RANBP3: variants seen among roughly 807,000 people sequenced by gnomAD.
The protein encoded by RANBP3 is ran-binding protein 3.
In RANBP3, 14 loss-of-function variants were observed where a neutral mutation model predicts 77.3. The observed-to-expected ratio is 0.18, with a 90% CI of 0.12 to 0.28. The LOEUF is 0.28. Ranked by LOEUF, RANBP3 falls within the 10% of genes least tolerant of loss-of-function variation. RANBP3 has a pLI of 1.00. For missense variants in RANBP3, 586 were observed against 752.3 expected (o/e 0.78, Z 2.59); for synonymous variants, 315 against 312.4 (o/e 1.01, Z -0.09).
chr19:5,918,160 G>A (rs536240180), intron 15 of RANBP3, among the ~76,000 whole-genome samples, 180 bp from the exon 16 acceptor site: 1 of 152,336 alleles, frequency 6.6e-6, no homozygotes, highest in East Asian at 1.9e-4. Flanking sequence ...CTCCCAGGTG[G>A]CTGGGAATAT....
intron 2 of RANBP3, 62 bp downstream of exon 2, chr19:5,957,854 ACT>A: frequency 1.3e-6 from 2 of 1,562,860 alleles, no homozygotes; most frequent in Non-Finnish European, 1.8e-6. Flanking sequence ...TGGAAAAGAG[ACT>A]CTCAGTAAAG....
chr19:5,918,443 C>A, intron 15 of RANBP3, 53 bp downstream of exon 15: 1 of 1,493,688 alleles, frequency 6.7e-7, no homozygotes. Context: ...CCAGGAACCC[C>A]CACAGGGCTG....
intron 1 of RANBP3, among the ~76,000 whole-genome samples, chr19:5,960,539 AT>A (rs1245965687): frequency 3.3e-5 from 5 of 152,212 alleles, no homozygotes; most frequent in Admixed American, 6.5e-5. Flanking sequence ...TGGGTACCCC[AT>A]GGCCTGAGAA....
At position 5,942,700 on chromosome 19, in the gene RANBP3, C is replaced by CAA. The variant is rs11298054; in HGVS notation, c.283-867_283-866dup. The stretch of plus-strand genomic sequence containing the variant: ...TGGGCGACACAGCGAGACTCTGTCT[C>CAA]AAAAAAAAAAAAAAAAAAAACAAAA... On this transcript the variant is annotated intron_variant, in intron 3 of 16. Coordinates refer to ENST00000340578, the MANE Select transcript of RANBP3 (RefSeq NM_007322.3). 3.2e-3 allele frequency among the ~76,000 whole-genome samples: 294 copies of CAA among 90,772 alleles called. 1 individual carries two copies. The highest frequency in any genetic ancestry group is 6.6e-3 in the Middle Eastern group (1 of 152). The allele number at this position is 90,772 out of a possible 152,430, so 59.5% of individuals were successfully genotyped here.
In RANBP3 at chr19:5,951,499, C is replaced by A. The variant is rs765502460; in HGVS notation, c.176G>T (p.Gly59Val). Residue 59 changes from glycine to valine, a missense_variant, in exon 3 of 17, where the codon GGC becomes GTC. Physicochemically the swap from Gly to Val is moderately radical, Grantham distance 109 (BLOSUM62 -3). Around this residue, in one of 5 missense-constraint regions of RANBP3, gnomAD observed 172 missense variants for 183.4 expected, o/e 0.94. Coordinates refer to ENST00000340578, the MANE Select transcript of RANBP3 (RefSeq NM_007322.3). ...HHGTGHPESA[G>V]EHALEPPAPA... ...GGCAGGAGGTTCTAGGGCATGCTCG[C>A]CAGCTGACTCGGGGTGACCCGTGCC... The A allele has an allele frequency of 6.2e-7, 1 of 1,611,134 alleles. No homozygotes were observed. Among genetic ancestry groups the A allele is most frequent in the African/African-American group, 1.3e-5 (1 of 75,012 alleles).
At chr19:5,966,899 G>GA (rs2058474173) in intron 1 of RANBP3, among the ~76,000 whole-genome samples, 1 of 152,116 alleles carries the variant, frequency 6.6e-6, no homozygotes, top group African/African-American at 2.4e-5. Context: ...TCTTACCTGT[G>GA]AAAAAAATAT....
At chr19:5,948,404 G>A (rs920868094) in intron 3 of RANBP3, among the ~76,000 whole-genome samples, 4 of 150,952 alleles carry the variant, frequency 2.6e-5, no homozygotes, top group Non-Finnish European at 5.9e-5. Flanking sequence ...AGTGAGCAGA[G>A]ATCGGGCCAC....
At chr19:5,963,360 T>C (rs921820735) in intron 1 of RANBP3, among the ~76,000 whole-genome samples, 1 of 152,154 alleles carries the variant, frequency 6.6e-6, no homozygotes, top group Non-Finnish European at 1.5e-5. Context: ...AAGACCTGTC[T>C]GGGCAACATA....
intron 5 of RANBP3, among the ~76,000 whole-genome samples, chr19:5,937,111 C>T (rs1013048624): frequency 6.5e-5 from 9 of 137,920 alleles, no homozygotes; most frequent in Non-Finnish European, 1.2e-4. Flanking sequence ...GGGCAGTCGT[C>T]AGCGGGAAAC....
rs1359256643 is a variant in RANBP3, at chr19:5,917,778, G to A, written c.1660+16C>T. ...GCTCTTTCTATCCCCCCCAGGGTAG[G>A]GACCACCCGACTCACCAGCTGCGGT... On this transcript the variant is annotated intron_variant, in intron 16 of 16. Transcript: ENST00000340578. 1.2e-6 allele frequency: 2 copies of A among 1,601,008 alleles called. No individual in the cohort carries two copies. The highest frequency in any genetic ancestry group is 1.7e-5 in the Admixed American group (1 of 59,288).
intron 1 of RANBP3, among the ~76,000 whole-genome samples, chr19:5,974,083 AC>A (rs2058560449): frequency 2.0e-5 from 3 of 151,380 alleles, no homozygotes; most frequent in African/African-American, 7.3e-5. Flanking sequence ...TGTCATGACG[AC>A]CCCGCGAGTG....
Position 5,921,217 on chromosome 19 carries a change from T to A in RANBP3, c.1314A>T (p.Thr438=). Residue 438 remains threonine, a synonymous_variant, in exon 14 of 17, where the codon ACA becomes ACT. Coordinates refer to ENST00000340578, the MANE Select transcript of RANBP3 (RefSeq NM_007322.3). The surrounding 1 kb of genome is among the most constrained non-coding windows in gnomAD (Gnocchi z 5.3). The stretch of plus-strand genomic sequence containing the variant: ...GCAGCTCACCTAGTCGGGACTGTAG[T>A]GTGCCGTCATCGGTGGACGCCATGT... ...LNDMASTDDG[T]LQSRLVMRTQ... is the part of the protein sequence containing the mutation. The A allele has an allele frequency of 6.2e-7, 1 of 1,612,570 alleles. No homozygotes were observed.
intron 9 of RANBP3, 118 bp downstream of exon 9, chr19:5,927,850 A>C (rs2057933556): frequency 7.4e-7 from 1 of 1,358,730 alleles, no homozygotes; most frequent in Admixed American, 2.4e-5. Context: ...CTGCCTCGCT[A>C]ACACCTTCTT....
chr19:5,950,332 C>T (rs1212620097), intron 3 of RANBP3, among the ~76,000 whole-genome samples: 15 of 152,210 alleles, frequency 9.9e-5, no homozygotes, highest in Admixed American at 9.8e-4. Flanking sequence ...CCGTTACCTC[C>T]CCCACACCCA....
intron 1 of RANBP3, among the ~76,000 whole-genome samples, chr19:5,973,799 G>A (rs1425172946): frequency 6.6e-6 from 1 of 152,228 alleles, no homozygotes; most frequent in East Asian, 1.9e-4. Flanking sequence ...AACAATGTAT[G>A]TGCACTCATT....
rs771634835 is a variant in RANBP3, at chr19:5,951,534, G to A, written c.141C>T (p.Ala47=). The change falls in exon 3 of 17, where the codon GCC becomes GCT. Residue 47 remains alanine (A), a synonymous_variant. Coordinates refer to ENST00000340578, the MANE Select transcript of RANBP3 (RefSeq NM_007322.3). The stretch of plus-strand genomic sequence containing the variant: ...CGGGGTGACCCGTGCCATGGTGGGG[G>A]GCCTCAGCCTCCCCCCGAGGCTCCT... The part of the protein sequence containing the change: ...SGEEPRGEAE[A]PHHGTGHPES... 2 of 1,612,408 alleles carry A rather than the reference G, an allele frequency of 1.2e-6. No homozygotes were observed. The highest frequency in any genetic ancestry group is 2.7e-5 in the African/African-American group (2 of 74,898).
intron 2 of RANBP3, among the ~76,000 whole-genome samples, chr19:5,957,244 T>C (rs921645282): frequency 6.6e-6 from 1 of 152,220 alleles, no homozygotes; most frequent in South Asian, 2.1e-4. Flanking sequence ...GGCTTCAAGG[T>C]AAATAGCACC....
Position 5,921,262 on chromosome 19 carries a change from C to T in RANBP3, c.1269G>A (p.Arg423=), listed in dbSNP as rs371872139. The part of the protein sequence containing the change: ...KTSQSWVERG[R]GLLRLNDMAS... ...CCATGTCATTGAGTCTGAGCAGCCC[C>T]CGGCCTCTCTCCACCCAGGACTGTG... The change falls in exon 14 of 17, where the codon CGG becomes CGA. Residue 423 remains arginine (R), a synonymous_variant. Coordinates refer to ENST00000340578, the MANE Select transcript of RANBP3 (RefSeq NM_007322.3). This position sits in a 1 kb window ranked among gnomAD's most constrained non-coding sequence, Gnocchi z 5.3. The T allele has an allele frequency of 9.2e-5, 148 of 1,613,710 alleles. No individual in the cohort carries two copies. The highest frequency in any genetic ancestry group is 1.2e-4 in the Non-Finnish European group (145 of 1,179,994).
At chr19:5,957,837 T>C in intron 2 of RANBP3, 81 bp downstream of exon 2, 6 of 1,518,008 alleles carry the variant, frequency 4.0e-6, no homozygotes, top group Non-Finnish European at 5.5e-6. Flanking sequence ...GCCTTGGCAA[T>C]GCGACCTGGA....
Sources: gnomAD v4.1 joint callset for allele counts (sites outside exome capture counted in the v4.1 genomes callset) on GRCh38, gnomAD v4.1.1 for gene constraint, gnomAD v4.1.1 regional missense constraint, Gnocchi (gnomAD v3.1) non-coding constraint, MANE v1.5 for transcripts, NCBI Gene and HGNC (gene_info 2026-07-23, HGNC 2026-07-21) for gene names.